DISP1: variants seen among roughly 807,000 people sequenced by gnomAD.
DISP1 encodes the protein dispatched RND transporter family member 1.
A neutral mutation model predicts 37.3 loss-of-function variants in DISP1; 30 were observed. The ratio of observed to expected loss-of-function variants is 0.80; its 90% CI spans 0.60 to 1.09. The LOEUF is 1.09. Ranked by LOEUF, DISP1 falls within the 50% of genes least tolerant of loss-of-function variation. DISP1 has a pLI of 0.00. For missense variants in DISP1, 1,598 were observed against 1,879.5 expected (o/e 0.85, Z 2.77); for synonymous variants, 634 against 690.2 (o/e 0.92, Z 1.28).
At chr1:222,990,523 C>T in intron 4 of DISP1, 102 bp from the exon 5 acceptor site, 6 of 1,580,588 alleles carry the variant, frequency 3.8e-6, no homozygotes, top group Non-Finnish European at 5.2e-6. Flanking sequence ...AAATTGCTGT[C>T]TTAGGTACCA....
intron 1 of DISP1, among the ~76,000 whole-genome samples, chr1:222,880,852 G>A (rs1183075451): frequency 2.0e-5 from 3 of 152,116 alleles, no homozygotes; most frequent in Non-Finnish European, 2.9e-5. Flanking sequence ...CTTGAGGCTA[G>A]GAGTTCAAGA....
rs373830631 is a variant in DISP1, at chr1:222,968,258, A to G, written c.510-14822A>G. Among the ~76,000 whole-genome samples, 8 of 152,244 alleles carry G rather than the reference A, an allele frequency of 5.3e-5. No individual in the cohort carries two copies. In the South Asian group the frequency reaches 8.3e-4, roughly 16 times the overall value. On this transcript the variant is annotated intron_variant, in intron 3 of 8. Transcript: ENST00000675850. ...TTTTCTTCTTACAAGCCAAGAAACC[A>G]TATGCAACTCCCCTTCAGGAAATGA...
intron 3 of DISP1, among the ~76,000 whole-genome samples, chr1:222,944,247 C>A (rs754723051): frequency 1.7e-4 from 26 of 152,182 alleles, no homozygotes; most frequent in Non-Finnish European, 5.9e-5. Flanking sequence ...GATCTGGTAC[C>A]TTGAAAAGTA....
chr1:222,828,665 A>G (rs1665006190), intron 1 of DISP1, among the ~76,000 whole-genome samples: 1 of 151,878 alleles, frequency 6.6e-6, no homozygotes, highest in African/African-American at 2.4e-5. Flanking sequence ...CTATTACCCT[A>G]TTTTCTATAG....
At chr1:222,927,646 A>G (rs560587835) in intron 1 of DISP1, among the ~76,000 whole-genome samples, 119 of 152,306 alleles carry the variant, frequency 7.8e-4, no homozygotes, top group Middle Eastern at 3.4e-3. Flanking sequence ...TTGCATACAT[A>G]TTTTTATTAC....
chr1:222,979,543 T>A (rs1376842898), intron 3 of DISP1: 3 of 465,914 alleles, frequency 6.4e-6, no homozygotes, highest in Non-Finnish European at 1.3e-5. Flanking sequence ...ATGAATTATA[T>A]CTCAATAAAA....
intron 1 of DISP1, among the ~76,000 whole-genome samples, chr1:222,829,070 A>G (rs776452485): frequency 6.6e-6 from 1 of 152,208 alleles, no homozygotes; most frequent in Non-Finnish European, 1.5e-5. Flanking sequence ...TTGTTTGATG[A>G]AGAAGCAACA....
intron 8 of DISP1, among the ~76,000 whole-genome samples, chr1:222,997,524 C>T (rs1679162847): frequency 6.6e-6 from 1 of 152,094 alleles, no homozygotes. Context: ...CATAGGTAGG[C>T]TGGTAGCAAG....
intron 1 of DISP1, among the ~76,000 whole-genome samples, chr1:222,842,665 A>T (rs1325935996): frequency 2.6e-5 from 4 of 152,100 alleles, no homozygotes; most frequent in African/African-American, 4.8e-5. Flanking sequence ...CCAACATACA[A>T]ACATGCATCT....
At chr1:222,852,259 T>G (rs1668302390) in intron 1 of DISP1, among the ~76,000 whole-genome samples, 2 of 152,006 alleles carry the variant, frequency 1.3e-5, no homozygotes, top group Non-Finnish European at 2.9e-5. Context: ...TTTTAAAGCC[T>G]TCCATAACAA....
chr1:222,977,938 A>T (rs367728553), intron 3 of DISP1, among the ~76,000 whole-genome samples: 4 of 152,102 alleles, frequency 2.6e-5, no homozygotes, highest in East Asian at 1.9e-4. Flanking sequence ...TCTATCATTG[A>T]TGGACATTTG....
At chr1:222,923,331 ACT>A (rs1672912569) in intron 1 of DISP1, among the ~76,000 whole-genome samples, 1 of 152,052 alleles carries the variant, frequency 6.6e-6, no homozygotes, top group Admixed American at 6.6e-5. Context: ...ACTGCATATG[ACT>A]CTTGAGCACT....
intron 1 of DISP1, among the ~76,000 whole-genome samples, chr1:222,856,705 C>CTTT (rs1668566107): frequency 3.7e-5 from 5 of 136,330 alleles, no homozygotes; most frequent in South Asian, 2.4e-4. Context: ...TATTATAATT[C>CTTT]GTTTTTTTTT....
chr1:222,901,727 C>T (rs1039242360), intron 1 of DISP1, among the ~76,000 whole-genome samples: 1 of 152,144 alleles, frequency 6.6e-6, no homozygotes, highest in Non-Finnish European at 1.5e-5. Context: ...GGGGTTTCAC[C>T]AATTGGCCAG....
chr1:222,899,107 A>G (rs1328057903), intron 1 of DISP1, among the ~76,000 whole-genome samples: 1 of 152,110 alleles, frequency 6.6e-6, no homozygotes, highest in African/African-American at 2.4e-5. Flanking sequence ...ATTTTATATG[A>G]ATATAGTCCT....
chr1:222,979,156 C>T (rs1267437694), intron 3 of DISP1, among the ~76,000 whole-genome samples: 10 of 152,204 alleles, frequency 6.6e-5, no homozygotes, highest in Non-Finnish European at 1.0e-4. Flanking sequence ...CGCCTGTAAT[C>T]CCAGCACTTT....
chr1:222,864,543 T>C (rs1035255228), intron 1 of DISP1, among the ~76,000 whole-genome samples: 3 of 152,160 alleles, frequency 2.0e-5, no homozygotes, highest in Non-Finnish European at 4.4e-5. Flanking sequence ...GTCAATCCTT[T>C]TTTCAATAAG....
chr1:223,002,847 A>G lies in DISP1; in HGVS notation c.1450A>G (p.Ile484Val), dbSNP rs776561441. Residue 484 changes from isoleucine to valine, a missense_variant, in exon 9 of 9, where the codon ATC (isoleucine) becomes GTC (valine). Transcript: ENST00000675850. ...NWNSSDGVTT[I>V]TGIEFGIKHS... Reference sequence around the variant, plus strand: ...GAACTCTTCTGACGGCGTGACTACCATCACCGGGATTGAGTTTGGTATCAA... The same window carrying G: ...GAACTCTTCTGACGGCGTGACTACCGTCACCGGGATTGAGTTTGGTATCAA... The G allele has an allele frequency of 6.2e-7, 1 of 1,613,974 alleles. No homozygotes were observed.
In DISP1 at chr1:222,840,148, T is replaced by C. The variant is rs370481729; in HGVS notation, c.-159+25070T>C. On this transcript the variant is annotated intron_variant, in intron 1 of 8. Coordinates refer to ENST00000675850, the MANE Select transcript of DISP1 (RefSeq NM_001377229.1). Reference sequence around the variant, plus strand: ...TGGGTACCAAAAGTATGGTTTCTACTGAATGCATATTCTTTTCCCACCATG... The same window carrying C: ...TGGGTACCAAAAGTATGGTTTCTACCGAATGCATATTCTTTTCCCACCATG... Among the ~76,000 whole-genome samples the C allele has an allele frequency of 1.5e-4, 23 of 152,308 alleles. 1 individual carries two copies. Among genetic ancestry groups the C allele is most frequent in the East Asian group, 3.9e-4 (2 of 5,194 alleles).
Sources: allele counts gnomAD v4.1 joint callset (sites outside exome capture counted in the v4.1 genomes callset), GRCh38; gene constraint gnomAD v4.1.1; transcripts MANE v1.5; gene names NCBI Gene and HGNC (gene_info 2026-07-23, HGNC 2026-07-21).